Variants in TMTC2 observed in about 807,000 individuals in gnomAD.
TMTC2 encodes the protein transmembrane O-mannosyltransferase targeting cadherins 2.
TMTC2 carries 43 observed loss-of-function variants against 82.4 expected under a neutral mutation model. The ratio of observed to expected loss-of-function variants is 0.52; its 90% CI spans 0.41 to 0.67. The LOEUF (loss-of-function observed/expected upper bound fraction) is 0.67, where lower values mean the gene tolerates loss of function less well. Ranked by LOEUF, TMTC2 falls within the 30% of genes least tolerant of loss-of-function variation. TMTC2 has a pLI of 0.00. For missense variants in TMTC2, 919 were observed against 1,012.4 expected (o/e 0.91, Z 1.25); for synonymous variants, 408 against 381.9 (o/e 1.07, Z -0.80).
rs144810764 is a variant in TMTC2 at position 82,783,438 on chromosome 12, T to C, written c.84-73572T>C. 8.5e-5 allele frequency among the ~76,000 whole-genome samples: 13 copies of C among 152,078 alleles called. No homozygotes were observed. In the East Asian group the frequency reaches 1.9e-3, roughly 23 times the overall value. On this transcript the variant is annotated intron_variant, in intron 1 of 11. Transcript: ENST00000321196. The stretch of plus-strand genomic sequence containing the variant: ...GGGTTGGCTGGAGGCAAACCTTCCC[T>C]TTTGTTGCCATTGATCTGACACTAG...
At chr12:82,729,832 A>G (rs1457138603) in intron 1 of TMTC2, among the ~76,000 whole-genome samples, 2 of 152,190 alleles carry the variant, frequency 1.3e-5, no homozygotes, top group East Asian at 3.8e-4. Context: ...CTTTGGGTCC[A>G]CACTGCCTTT....
intron 1 of TMTC2, among the ~76,000 whole-genome samples, chr12:82,831,431 T>C (rs1447524604): frequency 6.6e-6 from 1 of 152,236 alleles, no homozygotes; most frequent in Non-Finnish European, 1.5e-5. Context: ...TTATGTCTCA[T>C]TGATCAGAGC....
intron 11 of TMTC2, among the ~76,000 whole-genome samples, chr12:83,092,466 A>G (rs1883876579): frequency 1.3e-5 from 2 of 152,204 alleles, no homozygotes; most frequent in Admixed American, 1.3e-4. Context: ...TTCATTGGTG[A>G]GAATATAATT....
At chr12:82,708,265 A>T (rs898583175) in intron 1 of TMTC2, among the ~76,000 whole-genome samples, 22 of 152,228 alleles carry the variant, frequency 1.4e-4, no homozygotes, top group Non-Finnish European at 7.3e-5. Context: ...CTGATCCCTG[A>T]GAGCACATCT....
chr12:82,931,545 G>T (rs968056500), intron 4 of TMTC2, among the ~76,000 whole-genome samples: 1 of 152,138 alleles, frequency 6.6e-6, no homozygotes, highest in South Asian at 2.1e-4. Flanking sequence ...ATAAGTAACA[G>T]AAATCCAGTT....
chr12:82,782,220 C>G (rs900636978), intron 1 of TMTC2, among the ~76,000 whole-genome samples: 6 of 152,062 alleles, frequency 3.9e-5, no homozygotes, highest in African/African-American at 1.2e-4. Context: ...ACTGTGAACA[C>G]TGGGTAAAGA....
intron 3 of TMTC2, among the ~76,000 whole-genome samples, chr12:82,898,316 G>A (rs779364523): frequency 7.2e-5 from 11 of 152,224 alleles, no homozygotes; most frequent in Middle Eastern, 3.4e-3. Flanking sequence ...TTTCTGCACT[G>A]GTAGATGTAA....
chr12:83,112,927 C>T (rs548106357), intron 11 of TMTC2, among the ~76,000 whole-genome samples: 6 of 152,176 alleles, frequency 3.9e-5, no homozygotes, highest in Non-Finnish European at 7.3e-5. Flanking sequence ...TCATTATGAT[C>T]CCCCAACTTG....
intron 1 of TMTC2, among the ~76,000 whole-genome samples, chr12:82,703,722 C>T (rs932062357): frequency 1.4e-4 from 22 of 152,088 alleles, no homozygotes; most frequent in African/African-American, 3.9e-4. Flanking sequence ...CTCCTGACCT[C>T]GTGATCCGCC....
chr12:83,059,556 T>G (rs764788974), intron 10 of TMTC2, among the ~76,000 whole-genome samples: 1 of 151,734 alleles, frequency 6.6e-6, no homozygotes, highest in Non-Finnish European at 1.5e-5. Context: ...ATATAGTAAA[T>G]CCTAGTGGGG....
At chr12:83,007,442 C>T (rs1038553000) in intron 8 of TMTC2, among the ~76,000 whole-genome samples, 1 of 151,958 alleles carries the variant, frequency 6.6e-6, no homozygotes, top group Non-Finnish European at 1.5e-5. Flanking sequence ...AATTATATTT[C>T]TTTAAAAATT....
At chr12:82,734,769 C>G (rs1875000422) in intron 1 of TMTC2, among the ~76,000 whole-genome samples, 1 of 152,150 alleles carries the variant, frequency 6.6e-6, no homozygotes, top group South Asian at 2.1e-4. Context: ...GTCTAGGTCT[C>G]TACTTATTTT....
intron 9 of TMTC2, among the ~76,000 whole-genome samples, chr12:83,039,948 A>C (rs1182496604): frequency 6.6e-6 from 1 of 152,222 alleles, no homozygotes; most frequent in African/African-American, 2.4e-5. Flanking sequence ...AGAGTTATGA[A>C]AATTTGCAGA....
At chr12:82,788,600 A>G (rs1381502050) in intron 1 of TMTC2, among the ~76,000 whole-genome samples, 1 of 152,114 alleles carries the variant, frequency 6.6e-6, no homozygotes, top group Non-Finnish European at 1.5e-5. Context: ...CTAGAAGGAT[A>G]AGAAAAAACT....
At chr12:82,960,435 C>T (rs1877866734) in intron 4 of TMTC2, among the ~76,000 whole-genome samples, 1 of 151,854 alleles carries the variant, frequency 6.6e-6, no homozygotes, top group Non-Finnish European at 1.5e-5. Context: ...CCAGGGAATA[C>T]TACACAGCCA....
rs557869507 is a variant in TMTC2 at position 82,759,772 on chromosome 12, A to G, written c.83+72103A>G. 3 of 152,340 alleles carry G rather than the reference A, an allele frequency of 2.0e-5. No individual in the cohort carries two copies. The South Asian group carries it at 6.2e-4, about 32-fold the overall frequency. 9.4% of individuals were successfully genotyped at this position (152,340 alleles called of 1,614,324 possible). On this transcript the variant is annotated intron_variant, in intron 1 of 11. Transcript: ENST00000321196. The stretch of plus-strand genomic sequence containing the variant: ...TGACAGCCCAAAGGCGAGTTTGTAA[A>G]ACGATAAATAAATTGTAAAGATCTA...
At chr12:82,924,167 ACTT>A (rs374798704) in intron 3 of TMTC2, among the ~76,000 whole-genome samples, 5 of 152,310 alleles carry the variant, frequency 3.3e-5, no homozygotes, top group African/African-American at 9.6e-5. Flanking sequence ...TGGCTTAACT[ACTT>A]CTTGCGCTGA....
chr12:82,876,063 GTGGTGATGATGATGA>G (rs1334181480), intron 2 of TMTC2, among the ~76,000 whole-genome samples: 28 of 112,660 alleles, frequency 2.5e-4, no homozygotes, highest in African/African-American at 1.1e-3. Context: ...GGTGGTGGTG[GTGGTGATGATGATGA>G]TGGTGATTAG....
At chr12:83,084,830 T>C (rs1883596641) in intron 11 of TMTC2, among the ~76,000 whole-genome samples, 1 of 152,194 alleles carries the variant, frequency 6.6e-6, no homozygotes, top group South Asian at 2.1e-4. Context: ...AAATCAGTGA[T>C]TTTGTGTCAA....
Sources: gnomAD v4.1 joint callset for allele counts (sites outside exome capture counted in the v4.1 genomes callset) on GRCh38, gnomAD v4.1.1 for gene constraint, MANE v1.5 for transcripts, NCBI Gene and HGNC (gene_info 2026-07-23, HGNC 2026-07-21) for gene names.